ATRNL1: variants seen among roughly 807,000 people sequenced by gnomAD.
ATRNL1 encodes attractin like 1, also known as attractin-like protein 1.
In ATRNL1, 95 loss-of-function variants were observed where a neutral mutation model predicts 182.7. That is an observed-to-expected ratio of 0.52 (90% confidence interval 0.44 to 0.62). ATRNL1 has a LOEUF of 0.62. Among genes scored for constraint, ATRNL1 ranks in the 20% least tolerant of loss-of-function variants. The pLI is 0.00. For synonymous variants in ATRNL1, 576 were observed against 568.3 expected, an observed-to-expected ratio of 1.01 and a Z score of -0.19; for missense variants, 1,471 against 1,679.5, an observed-to-expected ratio of 0.88 and a Z score of 2.17.
chr10:115,408,111 C>T (rs1447643505), intron 20 of ATRNL1, among the ~76,000 whole-genome samples: 1 of 147,566 alleles, frequency 6.8e-6, no homozygotes, highest in Non-Finnish European at 1.5e-5. Flanking sequence ...TCACGCCATT[C>T]TCCTGCCTCA....
At chr10:115,909,262 C>G (rs1952596628) in intron 28 of ATRNL1, 1 of 152,092 alleles carries the variant, frequency 6.6e-6, no homozygotes, top group Non-Finnish European at 1.5e-5. Context: ...CTGTGATATC[C>G]TCCTCCGCAT....
chr10:115,158,260 A>G (rs1018545203), intron 5 of ATRNL1, among the ~76,000 whole-genome samples: 22 of 152,030 alleles, frequency 1.4e-4, no homozygotes, highest in Non-Finnish European at 2.8e-4. Context: ...TTTTCAGTTA[A>G]ATTAGAGGTT....
intron 8 of ATRNL1, among the ~76,000 whole-genome samples, chr10:115,196,165 CTGAA>C (rs148624774): frequency 6.6e-6 from 1 of 151,726 alleles, no homozygotes; most frequent in East Asian, 1.9e-4. Flanking sequence ...AACCCTGTGC[CTGAA>C]TGAATGAATG....
At chr10:115,226,989 G>A (rs775761331) in intron 9 of ATRNL1, among the ~76,000 whole-genome samples, 1 of 152,000 alleles carries the variant, frequency 6.6e-6, no homozygotes, top group Admixed American at 6.6e-5. Flanking sequence ...AGACAACCAA[G>A]GAAATAACTC....
chr10:115,934,704 C>G (rs1953503934), intron 28 of ATRNL1, among the ~76,000 whole-genome samples: 1 of 152,184 alleles, frequency 6.6e-6, no homozygotes, highest in Non-Finnish European at 1.5e-5. Context: ...GTCCTCCATG[C>G]TACACTAGAG....
intron 15 of ATRNL1, among the ~76,000 whole-genome samples, chr10:115,294,534 C>G (rs1853084234): frequency 6.6e-6 from 1 of 152,086 alleles, no homozygotes; most frequent in African/African-American, 2.4e-5. Context: ...TCTCCTATAT[C>G]TCACTGAAGT....
At chr10:115,350,815 G>T (rs1823082795) in intron 19 of ATRNL1, among the ~76,000 whole-genome samples, 1 of 151,986 alleles carries the variant, frequency 6.6e-6, no homozygotes, top group African/African-American at 2.4e-5. Flanking sequence ...AATGTCATTG[G>T]TATTTTGATA....
intron 27 of ATRNL1, chr10:115,819,754 T>A (rs1354828725): frequency 2.6e-5 from 4 of 152,086 alleles, no homozygotes; most frequent in Non-Finnish European, 5.9e-5. Flanking sequence ...TAGGCAGAGT[T>A]TTTCATGTTC....
chr10:115,181,962 T>C (rs1410492999), intron 8 of ATRNL1, among the ~76,000 whole-genome samples: 1 of 151,652 alleles, frequency 6.6e-6, no homozygotes, highest in Non-Finnish European at 1.5e-5. Context: ...AAGAGACAGA[T>C]GGTAACCCTG....
chr10:115,494,572 G>A (rs2134669065), intron 24 of ATRNL1, among the ~76,000 whole-genome samples: 1 of 152,206 alleles, frequency 6.6e-6, no homozygotes, highest in Non-Finnish European at 1.5e-5. Context: ...TTAATTGAAA[G>A]CTTTTTCTTC....
At chr10:115,824,431 A>T (rs1242683893) in intron 27 of ATRNL1, among the ~76,000 whole-genome samples, 2 of 152,216 alleles carry the variant, frequency 1.3e-5, no homozygotes, top group Non-Finnish European at 2.9e-5. Flanking sequence ...GGAAAATGGG[A>T]TCTAATTAAA....
At chr10:115,740,466 TC>T (rs1948102815) in intron 27 of ATRNL1, among the ~76,000 whole-genome samples, 1 of 151,342 alleles carries the variant, frequency 6.6e-6, no homozygotes, top group Non-Finnish European at 1.5e-5. Flanking sequence ...GGCCAGAAGT[TC>T]CAGGCCAGGC....
chr10:115,576,470 T>C (rs1279388637), intron 26 of ATRNL1, among the ~76,000 whole-genome samples: 1 of 152,130 alleles, frequency 6.6e-6, no homozygotes, highest in Non-Finnish European at 1.5e-5. Flanking sequence ...TTGATTTGCA[T>C]TTCCCTGATG....
intron 21 of ATRNL1, among the ~76,000 whole-genome samples, chr10:115,432,357 C>T (rs1444311538): frequency 1.3e-5 from 2 of 151,998 alleles, no homozygotes; most frequent in South Asian, 2.1e-4. Context: ...AGGATCCCTG[C>T]GTTCTTTTAG....
intron 27 of ATRNL1, among the ~76,000 whole-genome samples, chr10:115,812,705 G>C (rs1317464388): frequency 6.6e-6 from 1 of 151,962 alleles, no homozygotes; most frequent in Non-Finnish European, 1.5e-5. Flanking sequence ...TCAAACTCCT[G>C]ACCTCTGTTG....
At chr10:115,270,020 A>AT (rs2133891813) in intron 13 of ATRNL1, among the ~76,000 whole-genome samples, 1 of 151,902 alleles carries the variant, frequency 6.6e-6, no homozygotes, top group East Asian at 1.9e-4. Flanking sequence ...ATATACTTCA[A>AT]TTTTATTTGA....
intron 26 of ATRNL1, among the ~76,000 whole-genome samples, chr10:115,625,821 A>G (rs1483466953): frequency 3.3e-5 from 5 of 152,068 alleles, no homozygotes; most frequent in African/African-American, 9.7e-5. Flanking sequence ...TCCAACCTCA[A>G]TGAACAAACT....
chr10:115,307,176 G>A (rs537199175), intron 17 of ATRNL1, among the ~76,000 whole-genome samples: 14 of 152,060 alleles, frequency 9.2e-5, no homozygotes, highest in African/African-American at 2.7e-4. Context: ...TGTCATGTTC[G>A]CCTTTCCTGA....
chr10:115,604,069 G>A (rs1190074836), intron 26 of ATRNL1, among the ~76,000 whole-genome samples: 1 of 151,812 alleles, frequency 6.6e-6, no homozygotes, highest in Non-Finnish European at 1.5e-5. Flanking sequence ...TGGGTCTATT[G>A]TTTTTTACTG....
Sources: allele counts gnomAD v4.1 joint callset (sites outside exome capture counted in the v4.1 genomes callset), GRCh38; gene constraint gnomAD v4.1.1; transcripts MANE v1.5; gene names NCBI Gene and HGNC (gene_info 2026-07-23, HGNC 2026-07-21).